Variants in IMPDH1 observed in about 807,000 individuals in gnomAD.
IMPDH1 encodes inosine monophosphate dehydrogenase 1.
A neutral mutation model predicts 73.5 loss-of-function variants in IMPDH1; 41 were observed. The observed-to-expected ratio is 0.56, with a 90% CI of 0.43 to 0.72. IMPDH1 has a LOEUF of 0.72. Ranked by LOEUF, IMPDH1 falls within the 30% of genes least tolerant of loss-of-function variation. The probability of loss-of-function intolerance (pLI) is 0.00; values close to 1 mark genes in which losing one functional copy is unlikely to be tolerated. For missense variants in IMPDH1, 645 were observed against 824.8 expected (o/e 0.78, Z 2.67); for synonymous variants, 318 against 334.3 (o/e 0.95, Z 0.53).
intron 7 of IMPDH1, 27 bp downstream of exon 7, chr7:128,400,790 C>A (rs1393438340): frequency 6.2e-7 from 1 of 1,607,540 alleles, no homozygotes; most frequent in Non-Finnish European, 8.5e-7. Context: ...CAGGTGGCAT[C>A]TTGCTGGGGA....
intron 10 of IMPDH1, 121 bp from the exon 11 acceptor site, chr7:128,397,143 T>C: frequency 3.0e-6 from 2 of 666,878 alleles, no homozygotes; most frequent in East Asian, 5.4e-5. Context: ...TGCTCTTTCC[T>C]TCTGGTTGTT....
intron 1 of IMPDH1, 57 bp downstream of exon 1, chr7:128,409,699 C>T (rs1015127920): frequency 2.0e-6 from 3 of 1,523,046 alleles, no homozygotes; most frequent in East Asian, 2.5e-5. Context: ...GGAGCCGCCG[C>T]GCCCTCCTCG....
At position 128,405,876 on chromosome 7, in the gene IMPDH1, A is replaced by C. The variant is rs879009415; in HGVS notation, c.255-11T>G. 6.6e-7 allele frequency: 1 copy of C among 1,515,710 alleles called. No homozygotes were observed. The allele number at this position is 1,515,710 out of a possible 1,614,324, so 93.9% of individuals were successfully genotyped here. Reference sequence around the variant, plus strand: ...AGGTAGTCCGCCATGCTGCCGCGAGACCCCGCGACCCGACATAAACACCCG... The same window carrying C: ...AGGTAGTCCGCCATGCTGCCGCGAGCCCCCGCGACCCGACATAAACACCCG... On this transcript the variant is annotated splice_polypyrimidine_tract_variant and intron_variant, in intron 3 of 16. Transcript: ENST00000338791.
intron 9 of IMPDH1, among the ~76,000 whole-genome samples, chr7:128,399,017 T>C (rs1798126569): frequency 6.6e-6 from 1 of 152,174 alleles, no homozygotes; most frequent in African/African-American, 2.4e-5. Flanking sequence ...CAGGGAAGCA[T>C]TTCCCAGTAT....
chr7:128,405,652 C>T (rs1156769602), intron 4 of IMPDH1, 115 bp downstream of exon 4: 18 of 1,387,018 alleles, frequency 1.3e-5, no homozygotes, highest in Non-Finnish European at 1.7e-5. Flanking sequence ...CCAGCGCCCA[C>T]AGCAGGCACT....
chr7:128,405,939 TACTGCTGACGCCGCGCCGCGGCCAC>T, intron 3 of IMPDH1, 74 bp from the exon 4 acceptor site: 3 of 1,354,934 alleles, frequency 2.2e-6, no homozygotes, highest in Non-Finnish European at 2.9e-6. Flanking sequence ...CTGCTGCTGC[TACTGCTGACGCCGCGCCGCGGCCAC>T]GCTGCTGCCG....
In IMPDH1 at chr7:128,403,754, G is replaced by A. The variant is rs1798504836; in HGVS notation, c.354C>T (p.Asn118=). The A allele has an allele frequency of 9.3e-6, 15 of 1,613,638 alleles. No homozygotes were observed. The highest frequency in any genetic ancestry group is 1.3e-5 in the Non-Finnish European group (15 of 1,179,654). ...LFASADGLTY[N]DFLILPGFID... ...TGAATCCTGGGAGAATCAGGAAGTC[G>A]CTGTGAAGACAGAGAAGTGAGTGTT... The change falls in exon 5 of 17, where the codon AAC becomes AAT. Residue 118 remains asparagine (N), a splice_region_variant and synonymous_variant. Coordinates refer to ENST00000338791, the MANE Select transcript of IMPDH1 (RefSeq NM_000883.4).
chr7:128,403,575 A>AT, intron 5 of IMPDH1, 131 bp downstream of exon 5: 2 of 690,172 alleles, frequency 2.9e-6, no homozygotes, highest in Non-Finnish European at 2.5e-6. Context: ...AAAAAAAAAA[A>AT]GGACTATATC....
chr7:128,395,940 A>C (rs1023942577), intron 12 of IMPDH1, among the ~76,000 whole-genome samples: 1 of 152,238 alleles, frequency 6.6e-6, no homozygotes, highest in Non-Finnish European at 1.5e-5. Flanking sequence ...TCTGAGGACC[A>C]AAAGGGGGAG....
At position 128,392,710 on chromosome 7, in the gene IMPDH1, G is replaced by C. The variant is rs553648544; in HGVS notation, c.*297C>G. On this transcript the variant is annotated 3_prime_UTR_variant, in exon 17 of 17. Coordinates refer to ENST00000338791, the MANE Select transcript of IMPDH1 (RefSeq NM_000883.4). ...CCGCCTGCCCCTGGGGTGGGGGCCA[G>C]GCTGGAGCAGGCTGCAGCAAGAAAG... 8.2e-5 allele frequency: 36 copies of C among 440,026 alleles called. No individual in the cohort carries two copies. Among genetic ancestry groups the C allele is most frequent in the African/African-American group, 6.4e-4 (32 of 49,886 alleles). The allele number at this position is 440,026 out of a possible 1,614,324, so 27.3% of individuals were successfully genotyped here. A position where few individuals can be genotyped will look rare whatever the true frequency, so the allele number is the denominator to read the frequency against.
intron 5 of IMPDH1, among the ~76,000 whole-genome samples, chr7:128,403,295 C>T (rs1270976512): frequency 2.6e-5 from 4 of 152,204 alleles, no homozygotes; most frequent in African/African-American, 9.7e-5. Flanking sequence ...GGTGGAATCA[C>T]CCCTGTAATC....
At chr7:128,401,166 C>T in intron 5 of IMPDH1, 50 bp from the exon 6 acceptor site, 1 of 1,395,674 alleles carries the variant, frequency 7.2e-7, no homozygotes. Context: ...CCACTGGACA[C>T]TCACTCACTG....
Position 128,400,068 on chromosome 7 carries a change from T to C in IMPDH1, c.874+27A>G, listed in dbSNP as rs140982959. 210 of 1,546,496 alleles carry C rather than the reference T, an allele frequency of 1.4e-4. No homozygotes were observed. In the East Asian group the frequency reaches 3.5e-3, roughly 25 times the overall value. On this transcript the variant is annotated intron_variant, in intron 9 of 16. Transcript: ENST00000338791. ...TGTGGACAGGGAGTCAGGCTGGGGG[T>C]TGAGTTTTCAACTAGCTCCCTGGTA... is the stretch of plus-strand genomic sequence containing the variant.
chr7:128,406,867 G>T (rs1048604360), intron 3 of IMPDH1, among the ~76,000 whole-genome samples: 1 of 152,186 alleles, frequency 6.6e-6, no homozygotes, highest in African/African-American at 2.4e-5. Flanking sequence ...GCTTAGACAA[G>T]TGTGCATACA....
At chr7:128,404,282 A>G (rs1471930966) in intron 4 of IMPDH1, among the ~76,000 whole-genome samples, 1 of 152,174 alleles carries the variant, frequency 6.6e-6, no homozygotes, top group East Asian at 1.9e-4. Context: ...CAGGGGGCTG[A>G]GTGCAGGGCA....
chr7:128,394,927 G>A lies in IMPDH1; in HGVS notation c.1512C>T (p.Ala504=). 3 of 1,613,248 alleles carry A rather than the reference G, an allele frequency of 1.9e-6. No individual in the cohort carries two copies. The highest frequency in any genetic ancestry group is 2.5e-6 in the Non-Finnish European group (3 of 1,180,024). ...TCTGGCTGCTGCTGCTCTTCTCCAT[G>A]GCATCCAGTGAGCCCATGCCCCGGT... The part of the protein sequence containing the change: ...KKYRGMGSLD[A]MEKSSSSQKR... The change falls in exon 14 of 17, where the codon GCC becomes GCT. Residue 504 remains alanine, a synonymous_variant. Transcript: ENST00000338791. This position sits in a 1 kb window ranked among gnomAD's most constrained non-coding sequence, Gnocchi z 5.5.
At position 128,396,119 on chromosome 7, in the gene IMPDH1, T is replaced by G. The variant is rs540026957; in HGVS notation, c.1261+481A>C. ...AGGGAGCACCTCCTCAATAACCACA[T>G]GGGGGACACATGCCAGGCTCCCCCC... On this transcript the variant is annotated intron_variant, in intron 12 of 16. Transcript: ENST00000338791. This position sits in a 1 kb window ranked among gnomAD's most constrained non-coding sequence, Gnocchi z 4.0. 6.6e-6 allele frequency among the ~76,000 whole-genome samples: 1 copy of G among 152,176 alleles called. No individual in the cohort carries two copies. The highest frequency in any genetic ancestry group is 2.1e-4 in the South Asian group (1 of 4,818).
At chr7:128,393,937 TCTGCCTGG>T (rs1418674888) in intron 16 of IMPDH1, among the ~76,000 whole-genome samples, 1 of 152,122 alleles carries the variant, frequency 6.6e-6, no homozygotes, top group Admixed American at 6.5e-5. Flanking sequence ...ACCCGCATCT[TCTGCCTGG>T]CTGCCTGGTG....
At chr7:128,408,683 C>G (rs764757131) in intron 3 of IMPDH1, among the ~76,000 whole-genome samples, 1 of 152,160 alleles carries the variant, frequency 6.6e-6, no homozygotes, top group Non-Finnish European at 1.5e-5. Flanking sequence ...TGTTTGCAAC[C>G]CCTACTCTAA....
Sources: gnomAD v4.1 joint callset for allele counts (sites outside exome capture counted in the v4.1 genomes callset) on GRCh38, gnomAD v4.1.1 for gene constraint, Gnocchi (gnomAD v3.1) non-coding constraint, MANE v1.5 for transcripts, NCBI Gene and HGNC (gene_info 2026-07-23, HGNC 2026-07-21) for gene names.